Variants in PHACTR2 observed in about 807,000 individuals in gnomAD.
PHACTR2 encodes the protein phosphatase and actin regulator 2.
In PHACTR2, 30 loss-of-function variants were observed where a neutral mutation model predicts 76.0. That is an observed-to-expected ratio of 0.39 (90% confidence interval 0.30 to 0.54). PHACTR2 has a LOEUF of 0.54. Among genes scored for constraint, PHACTR2 ranks in the 20% least tolerant of loss-of-function variants. The probability of loss-of-function intolerance (pLI) is 0.61; values close to 1 mark genes in which losing one functional copy is unlikely to be tolerated. For synonymous variants in PHACTR2, 292 were observed against 292.5 expected, an observed-to-expected ratio of 1.00 and a Z score of 0.02; for missense variants, 696 against 781.1, an observed-to-expected ratio of 0.89 and a Z score of 1.30.
At chr6:143,642,904 A>T (rs896036985) in intron 1 of PHACTR2, among the ~76,000 whole-genome samples, 1 of 152,160 alleles carries the variant, frequency 6.6e-6, no homozygotes, top group Non-Finnish European at 1.5e-5. Context: ...TCTTTAAGCC[A>T]CCCAGTTTAT....
Position 143,689,975 on chromosome 6 carries a change from G to A in PHACTR2, c.46+11766G>A, listed in dbSNP as rs9496732. Among the ~76,000 whole-genome samples the A allele has an allele frequency of 7.8e-3, 1,188 of 152,286 alleles. 23 individuals carry two copies. The highest frequency in any genetic ancestry group is 0.027 in the African/African-American group (1,130 of 41,558). On this transcript the variant is annotated intron_variant, in intron 1 of 12. Coordinates refer to ENST00000440869, the MANE Select transcript of PHACTR2 (RefSeq NM_001100164.2). This position sits in a 1 kb window ranked among gnomAD's most constrained non-coding sequence, Gnocchi z 4.4. Reference sequence around the variant, plus strand: ...AGCTCCCAAAATGCTGGGATTACCCGTGTGAGCCACTGTGCCCAGCCCCAA... The same window carrying A: ...AGCTCCCAAAATGCTGGGATTACCCATGTGAGCCACTGTGCCCAGCCCCAA...
rs1775583321 is a variant in PHACTR2, at chr6:143,787,551, T to C, written c.1708-1222T>C. On this transcript the variant is annotated intron_variant, in intron 10 of 12. Transcript: ENST00000440869. This position sits in a 1 kb window ranked among gnomAD's most constrained non-coding sequence, Gnocchi z 4.6. ...TTTGAATATTACAGTATTGGCTTAG[T>C]TCAGAAGGAAACTGAGGCCCAGGAA... is the stretch of plus-strand genomic sequence containing the variant. Among the ~76,000 whole-genome samples, 1 of 152,198 alleles carries C rather than the reference T, an allele frequency of 6.6e-6. No homozygotes were observed. The highest frequency in any genetic ancestry group is 6.5e-5 in the Admixed American group (1 of 15,280).
chr6:143,686,481 C>CTTTTTTTTTTTTTTTTTTT (rs71024870), intron 1 of PHACTR2, among the ~76,000 whole-genome samples: 1 of 83,990 alleles, frequency 1.2e-5, no homozygotes, highest in African/African-American at 4.6e-5. Flanking sequence ...GAACTTCATT[C>CTTTTTTTTTTTTTTTTTTT]TTTTTTTTTT....
chr6:143,678,001 G>T lies in PHACTR2; in HGVS notation c.-163G>T, dbSNP rs1777285704. 1.5e-5 allele frequency: 21 copies of T among 1,439,846 alleles called. No homozygotes were observed. Among genetic ancestry groups the T allele is most frequent in the Non-Finnish European group, 1.9e-5 (21 of 1,091,522 alleles). The allele number at this position is 1,439,846 out of a possible 1,614,324, so 89.2% of individuals were successfully genotyped here. A position where few individuals can be genotyped will look rare whatever the true frequency, so the allele number is the denominator to read the frequency against. On this transcript the variant is annotated 5_prime_UTR_variant, in exon 1 of 13. Transcript: ENST00000440869. The surrounding 1 kb of genome is among the most constrained non-coding windows in gnomAD (Gnocchi z 6.2). Reference sequence around the variant, plus strand: ...AGGATCCGCCGCGCCGGCTGCGGCCGGCCGGGCTGGGAGACCCGCGCGGGG... The same window carrying T: ...AGGATCCGCCGCGCCGGCTGCGGCCTGCCGGGCTGGGAGACCCGCGCGGGG...
chr6:143,724,217 G>C (rs1026266261), intron 2 of PHACTR2, among the ~76,000 whole-genome samples: 2 of 151,980 alleles, frequency 1.3e-5, no homozygotes, highest in African/African-American at 2.4e-5. Context: ...CTCACCGCAA[G>C]CTCCGCCTCC....
In PHACTR2 at chr6:143,817,501, G is replaced by T. The variant is rs147096107; in HGVS notation, c.1923-6173G>T. ...AGGGAGATGCTGCTGCTAGTTTGGGGTATCACTGGATGGGCTCTTCAAGTC... is the reference window on the plus strand; with the variant it reads ...AGGGAGATGCTGCTGCTAGTTTGGGTTATCACTGGATGGGCTCTTCAAGTC... On this transcript the variant is annotated intron_variant, in intron 12 of 12. Coordinates refer to ENST00000440869, the MANE Select transcript of PHACTR2 (RefSeq NM_001100164.2). Among the ~76,000 whole-genome samples the T allele has an allele frequency of 2.5e-3, 375 of 152,232 alleles. 2 individuals carry two copies. Among genetic ancestry groups the T allele is most frequent in the South Asian group, 9.9e-3 (48 of 4,830 alleles).
chr6:143,600,206 G>A (rs1775797814), intron 1 of PHACTR2, among the ~76,000 whole-genome samples: 1 of 152,228 alleles, frequency 6.6e-6, no homozygotes, highest in South Asian at 2.1e-4. Context: ...GTGGCTTGTG[G>A]AGAGAACTTG....
In PHACTR2 at chr6:143,663,333, T is replaced by C. The variant is rs1776975123; in HGVS notation, c.14-48683T>C. On this transcript the variant is annotated intron_variant, in intron 1 of 11. Coordinates refer to the PHACTR2 transcript ENST00000305766. This position sits in a 1 kb window ranked among gnomAD's most constrained non-coding sequence, Gnocchi z 4.1. ...TCTCTCAACATGCTGAGTGAAGGCTTGCCCTCCCCGTGGATGAATGAAGTA... is the reference window on the plus strand; with the variant it reads ...TCTCTCAACATGCTGAGTGAAGGCTCGCCCTCCCCGTGGATGAATGAAGTA... Among the ~76,000 whole-genome samples the C allele has an allele frequency of 6.6e-6, 1 of 152,226 alleles. No homozygotes were observed. The highest frequency in any genetic ancestry group is 2.4e-5 in the African/African-American group (1 of 41,452).
intron 2 of PHACTR2, among the ~76,000 whole-genome samples, chr6:143,726,987 C>G (rs562796507): frequency 2.5e-4 from 38 of 152,080 alleles, no homozygotes; most frequent in Non-Finnish European, 4.0e-4. Context: ...TTGTAATATA[C>G]AATACATTGT....
At chr6:143,726,950 C>A (rs1253922453) in intron 2 of PHACTR2, among the ~76,000 whole-genome samples, 1 of 152,180 alleles carries the variant, frequency 6.6e-6, no homozygotes, top group African/African-American at 2.4e-5. Flanking sequence ...CCATTGGGGA[C>A]ATTTCAAATC....
chr6:143,796,381 T>TTC (rs1481168763), intron 11 of PHACTR2, among the ~76,000 whole-genome samples: 1 of 26,160 alleles, frequency 3.8e-5, no homozygotes, highest in East Asian at 7.5e-4. Context: ...TCTTTTTCTT[T>TTC]TCTTTCTTTC....
In PHACTR2 at chr6:143,753,786, A is replaced by G. The variant is rs768278021; in HGVS notation, c.328A>G (p.Asn110Asp). The change falls in exon 4 of 13, where the codon AAC becomes GAC. Residue 110 changes from asparagine to aspartate, a missense_variant. Asn to Asp is a conservative substitution (Grantham distance 23). This residue lies in a region of PHACTR2 where 460 missense variants were observed against 450.9 expected (regional missense o/e 1.02). Transcript: ENST00000440869. This position sits in a 1 kb window ranked among gnomAD's most constrained non-coding sequence, Gnocchi z 4.6. ...GDVTVNFENS[N>D]GHMIPIGEES... ...TGTAACAGTTAACTTTGAAAATTCAAACGGGCACATGATACCCATCGGAGA... is the reference window on the plus strand; with the variant it reads ...TGTAACAGTTAACTTTGAAAATTCAGACGGGCACATGATACCCATCGGAGA... 3 of 1,603,200 alleles carry G rather than the reference A, an allele frequency of 1.9e-6. No individual in the cohort carries two copies. The East Asian group carries it at 6.7e-5, about 36-fold the overall frequency.
chr6:143,676,797 C>A (rs1777257545), upstream of PHACTR2, among the ~76,000 whole-genome samples: 1 of 150,792 alleles, frequency 6.6e-6, no homozygotes, highest in Admixed American at 6.6e-5. The surrounding 1 kb of genome is among the most constrained non-coding windows in gnomAD (Gnocchi z 4.8). Context: ...GGGAAGAAGA[C>A]AATGGATCAC....
rs1338337072 is a variant in PHACTR2 at position 143,811,307 on chromosome 6, A to G, written c.1922+4174A>G. Among the ~76,000 whole-genome samples, 1 of 152,092 alleles carries G rather than the reference A, an allele frequency of 6.6e-6. No individual in the cohort carries two copies. The highest frequency in any genetic ancestry group is 1.5e-5 in the Non-Finnish European group (1 of 68,004). ...GTTTGTCTATCCATGTCTATATCCT[A>G]CTGTTTAATTTGGATAGATTTGTAG... On this transcript the variant is annotated intron_variant, in intron 12 of 12. Coordinates refer to ENST00000440869, the MANE Select transcript of PHACTR2 (RefSeq NM_001100164.2). This position sits in a 1 kb window ranked among gnomAD's most constrained non-coding sequence, Gnocchi z 4.1.
Position 143,777,321 on chromosome 6 carries a change from A to G in PHACTR2, c.1590-7A>G, listed in dbSNP as rs372347440. On this transcript the variant is annotated splice_region_variant and splice_polypyrimidine_tract_variant and intron_variant, in intron 8 of 12. Coordinates refer to ENST00000440869, the MANE Select transcript of PHACTR2 (RefSeq NM_001100164.2). The surrounding 1 kb of genome is among the most constrained non-coding windows in gnomAD (Gnocchi z 4.6). ...TAACCTGTAATATATCCTTTTTGTC[A>G]TCATAGGAGGCTGAGCCAGAGGCCC... 4.8e-5 allele frequency: 76 copies of G among 1,573,332 alleles called. No homozygotes were observed. Among genetic ancestry groups the G allele is most frequent in the Non-Finnish European group, 6.3e-5 (72 of 1,148,408 alleles).
At chr6:143,719,813 C>CT (rs10675688) in intron 2 of PHACTR2, among the ~76,000 whole-genome samples, 7,539 of 94,704 alleles carry the variant, frequency 0.08, 1,756 homozygotes, top group African/African-American at 0.34. Flanking sequence ...GTGTTCGACA[C>CT]TTTTTTTTTT....
chr6:143,817,675 G>C (rs1056546530), intron 12 of PHACTR2, among the ~76,000 whole-genome samples: 2 of 152,200 alleles, frequency 1.3e-5, no homozygotes, highest in Non-Finnish European at 2.9e-5. Flanking sequence ...TCAGCCACAA[G>C]AAAGAATGAA....
Position 143,753,733 on chromosome 6 carries a change from G to A in PHACTR2, c.296-21G>A, listed in dbSNP as rs767712608. 3 of 1,558,710 alleles carry A rather than the reference G, an allele frequency of 1.9e-6. No individual in the cohort carries two copies. Among genetic ancestry groups the A allele is most frequent in the African/African-American group, 2.8e-5 (2 of 72,242 alleles). On this transcript the variant is annotated intron_variant, in intron 3 of 12. Coordinates refer to ENST00000440869, the MANE Select transcript of PHACTR2 (RefSeq NM_001100164.2). The surrounding 1 kb of genome is among the most constrained non-coding windows in gnomAD (Gnocchi z 4.6). ...AGAAAGCCAGCAAGTTAGACATCTA[G>A]GTGTTTCTTTCCCATTTTAGATGGA...
At chr6:143,728,216 C>CTTTTTTT (rs548709835) in intron 2 of PHACTR2, among the ~76,000 whole-genome samples, 7 of 83,738 alleles carry the variant, frequency 8.4e-5, no homozygotes, top group Non-Finnish European at 1.6e-4. Context: ...TTTTTTCTTT[C>CTTTTTTT]TTTTTTTTTT....
Sources: gnomAD v4.1 joint callset for allele counts (sites outside exome capture counted in the v4.1 genomes callset) on GRCh38, gnomAD v4.1.1 for gene constraint, gnomAD v4.1.1 regional missense constraint, Gnocchi (gnomAD v3.1) non-coding constraint, MANE v1.5 for transcripts, NCBI Gene and HGNC (gene_info 2026-07-23, HGNC 2026-07-21) for gene names.